Variants in ACCSL observed in about 807,000 individuals in gnomAD.
The protein encoded by ACCSL is probable inactive 1-aminocyclopropane-1-carboxylate synthase-like protein 2.
Under a neutral mutation model 61.7 loss-of-function variants are expected in ACCSL, and 55 were observed. That is an observed-to-expected ratio of 0.89 (90% CI 0.72 to 1.12). The LOEUF (loss-of-function observed/expected upper bound fraction) is 1.12. Ranked by LOEUF, ACCSL falls within the 50% of genes most tolerant of loss-of-function variation. The pLI is 0.00. For missense variants in ACCSL, 632 were observed against 698.0 expected (o/e 0.91, Z 1.07); for synonymous variants, 258 against 264.3 (o/e 0.98, Z 0.23).
the ACCSL span, among the ~76,000 whole-genome samples, chr11:44,030,280 C>T: frequency 6.6e-6 from 1 of 151,262 alleles, no homozygotes; most frequent in African/African-American, 2.4e-5. Flanking sequence ...ATTTCTTTCT[C>T]CCCTTCACTA....
the ACCSL span, among the ~76,000 whole-genome samples, chr11:44,013,265 C>T: frequency 7.2e-5 from 11 of 152,160 alleles, no homozygotes; most frequent in Admixed American, 6.5e-4. Flanking sequence ...TGTAAAAGAA[C>T]ATAAGCAATT....
At chr11:44,025,360 C>T in the ACCSL span, among the ~76,000 whole-genome samples, 2 of 152,156 alleles carry the variant, frequency 1.3e-5, no homozygotes, top group Middle Eastern at 3.4e-3. Context: ...CTGGGAATTA[C>T]AATTAATACC....
the ACCSL span, chr11:44,001,037 C>A: frequency 6.6e-6 from 1 of 152,080 alleles, no homozygotes; most frequent in Non-Finnish European, 1.5e-5. Flanking sequence ...GCTGCCTCCT[C>A]GATAGATGAT....
chr11:43,997,680 G>C, the ACCSL span, among the ~76,000 whole-genome samples: 1 of 152,168 alleles, frequency 6.6e-6, no homozygotes, highest in African/African-American at 2.4e-5. Flanking sequence ...GTTTCCTTTT[G>C]CCAATGCATC....
At chr11:43,951,314 G>A in the ACCSL span, among the ~76,000 whole-genome samples, 1 of 152,194 alleles carries the variant, frequency 6.6e-6, no homozygotes, top group Non-Finnish European at 1.5e-5. Flanking sequence ...GGCCACCCAA[G>A]GAGCCCAGTG....
the ACCSL span, among the ~76,000 whole-genome samples, chr11:43,921,849 C>A: frequency 1.3e-5 from 2 of 152,222 alleles, no homozygotes; most frequent in Non-Finnish European, 2.9e-5. Context: ...CCAGATACCA[C>A]ATGCCAGAAC....
chr11:43,957,177 C>T, the ACCSL span, among the ~76,000 whole-genome samples: 1 of 152,112 alleles, frequency 6.6e-6, no homozygotes, highest in Non-Finnish European at 1.5e-5. Context: ...GAACATGTCT[C>T]CAAGGTGGTT....
At chr11:44,019,624 A>G in the ACCSL span, among the ~76,000 whole-genome samples, 1 of 152,172 alleles carries the variant, frequency 6.6e-6, no homozygotes, top group East Asian at 1.9e-4. Context: ...GAACTGTAAG[A>G]TTTCTTTATA....
the ACCSL span, among the ~76,000 whole-genome samples, chr11:43,967,785 T>G: frequency 6.6e-6 from 1 of 152,182 alleles, no homozygotes; most frequent in East Asian, 1.9e-4. Context: ...GAGTTGGATT[T>G]TCATGCCCAG....
At chr11:43,997,718 T>C in the ACCSL span, among the ~76,000 whole-genome samples, 1 of 152,242 alleles carries the variant, frequency 6.6e-6, no homozygotes, top group Non-Finnish European at 1.5e-5. Context: ...CTGCAAGTAT[T>C]GGAAACCCCA....
chr11:44,045,708 T>C (rs1952593896), upstream of ACCSL, among the ~76,000 whole-genome samples: 1 of 152,172 alleles, frequency 6.6e-6, no homozygotes. Context: ...AGTGGGACTT[T>C]GGTAACAGCA....
At chr11:43,979,643 C>T in the ACCSL span, among the ~76,000 whole-genome samples, 1 of 152,014 alleles carries the variant, frequency 6.6e-6, no homozygotes, top group African/African-American at 2.4e-5. Context: ...AATTCACATG[C>T]TTCGTTTCTA....
chr11:44,020,291 C>CT, the ACCSL span, among the ~76,000 whole-genome samples: 46,257 of 151,750 alleles, frequency 0.3, 7,270 homozygotes, highest in East Asian at 0.4. Flanking sequence ...AGTTTTACTC[C>CT]TTTTTTTTCC....
At chr11:44,018,876 A>C in the ACCSL span, among the ~76,000 whole-genome samples, 1 of 152,248 alleles carries the variant, frequency 6.6e-6, no homozygotes, top group South Asian at 2.1e-4. Context: ...TTTAAGGTAT[A>C]TTCACAAAAT....
At chr11:43,999,682 C>T in the ACCSL span, among the ~76,000 whole-genome samples, 28 of 152,232 alleles carry the variant, frequency 1.8e-4, no homozygotes, top group Non-Finnish European at 2.8e-4. Flanking sequence ...GTCTGGCCCA[C>T]ACTCAAGGGG....
intron 9 of ACCSL, 48 bp from the exon 10 acceptor site, chr11:44,055,992 T>A: frequency 6.2e-7 from 1 of 1,609,588 alleles, no homozygotes. Context: ...CAAATCTTCA[T>A]CAACTATTTC....
chr11:43,950,125 A>G, the ACCSL span, among the ~76,000 whole-genome samples: 7 of 152,196 alleles, frequency 4.6e-5, no homozygotes, highest in Non-Finnish European at 1.0e-4. Flanking sequence ...AGAATGCAAC[A>G]TTTGTCTCTT....
chr11:43,950,144 A>G, the ACCSL span, among the ~76,000 whole-genome samples: 1 of 152,308 alleles, frequency 6.6e-6, no homozygotes, highest in South Asian at 2.1e-4. Flanking sequence ...TTATCTACCT[A>G]TGACCCGGAA....
At chr11:43,973,412 ATC>A in the ACCSL span, among the ~76,000 whole-genome samples, 1 of 958 alleles carries the variant, frequency 1.0e-3, no homozygotes. Flanking sequence ...GTTTTGAGAT[ATC>A]TATCTATCTA....
Sources: gnomAD v4.1 joint callset for allele counts (sites outside exome capture counted in the v4.1 genomes callset) on GRCh38, gnomAD v4.1.1 for gene constraint, MANE v1.5 for transcripts, NCBI Gene and HGNC (gene_info 2026-07-23, HGNC 2026-07-21) for gene names.